The following AP4E1 variants were observed in gnomAD, a reference collection of about 807,000 sequenced individuals.
The protein encoded by AP4E1 is adaptor related protein complex 4 subunit epsilon 1.
A neutral mutation model predicts 128.2 loss-of-function variants in AP4E1; 56 were observed. The ratio of observed to expected loss-of-function variants is 0.44; its 90% CI spans 0.35 to 0.55. The LOEUF is 0.55. AP4E1 is among the 20% of genes least tolerant of loss of function. The pLI is 0.00. For missense variants in AP4E1, 1,324 were observed against 1,307.7 expected (o/e 1.01, Z -0.19); for synonymous variants, 484 against 473.1 (o/e 1.02, Z -0.30).
intron 16 of AP4E1, among the ~76,000 whole-genome samples, chr15:50,987,281 G>T (rs1567258276): frequency 1.3e-5 from 2 of 152,072 alleles, no homozygotes; most frequent in African/African-American, 2.4e-5. Context: ...TTTTTGAAGG[G>T]TTTTTTGTGT....
chr15:50,964,955 C>CCACACACACACACACA (rs55825810), intron 14 of AP4E1, among the ~76,000 whole-genome samples: 5,028 of 131,330 alleles, frequency 0.038, 197 homozygotes, highest in East Asian at 0.18. Flanking sequence ...CCTCCCCCTA[C>CCACACACACACACACA]CACACACACA....
intron 15 of AP4E1, among the ~76,000 whole-genome samples, 169 bp downstream of exon 15, chr15:50,968,546 A>G (rs1160868148): frequency 1.3e-5 from 2 of 152,194 alleles, no homozygotes; most frequent in Non-Finnish European, 2.9e-5. Context: ...AGGAAAAAAA[A>G]AAGTTAGCCA....
chr15:50,952,529 A>G (rs970626731), intron 13 of AP4E1, among the ~76,000 whole-genome samples: 22 of 151,698 alleles, frequency 1.5e-4, no homozygotes, highest in African/African-American at 5.3e-4. Context: ...AAAAAAAAGA[A>G]GTGTACAGTA....
At chr15:50,954,743 G>A (rs1166311728) in intron 13 of AP4E1, among the ~76,000 whole-genome samples, 3 of 152,134 alleles carry the variant, frequency 2.0e-5, no homozygotes, top group Admixed American at 6.5e-5. Flanking sequence ...TGTGCACAAC[G>A]TTCAGGTTTG....
chr15:50,917,718 C>A lies in AP4E1; in HGVS notation c.346+2147C>A, dbSNP rs75221136. Among the ~76,000 whole-genome samples the A allele has an allele frequency of 5.2e-3, 794 of 152,318 alleles. 8 individuals are homozygous for A. The highest frequency in any genetic ancestry group is 0.018 in the African/African-American group (762 of 41,564). ...GTTAAACTTACAGATGAATAACTTA[C>A]ATTGCTTATTCATACTTACAGATGA... On this transcript the variant is annotated intron_variant, in intron 3 of 20. Transcript: ENST00000261842.
intron 13 of AP4E1, among the ~76,000 whole-genome samples, chr15:50,951,450 A>G (rs923144469): frequency 1.3e-5 from 2 of 151,966 alleles, no homozygotes. Context: ...AGAGGTCACA[A>G]TTTTGTGTAA....
intron 11 of AP4E1, among the ~76,000 whole-genome samples, chr15:50,949,271 G>A (rs555703924): frequency 2.2e-4 from 34 of 151,726 alleles, no homozygotes; most frequent in Non-Finnish European, 4.1e-4. Flanking sequence ...AATTTAGCCG[G>A]GCATGGTGGT....
At chr15:50,936,123 A>G (rs944274913) in intron 8 of AP4E1, among the ~76,000 whole-genome samples, 1 of 152,180 alleles carries the variant, frequency 6.6e-6, no homozygotes, top group African/African-American at 2.4e-5. Context: ...TTATGAGTAT[A>G]TAGTGTAATA....
intron 15 of AP4E1, among the ~76,000 whole-genome samples, chr15:50,974,728 T>G (rs2064528986): frequency 6.6e-6 from 1 of 152,192 alleles, no homozygotes. Flanking sequence ...TGGTACAAGG[T>G]GATGCCTTAT....
intron 16 of AP4E1, among the ~76,000 whole-genome samples, chr15:50,989,671 GAGGA>G (rs2064777759): frequency 6.6e-6 from 1 of 152,100 alleles, no homozygotes; most frequent in Non-Finnish European, 1.5e-5. Flanking sequence ...CAAACCCAGG[GAGGA>G]ACTTACACAC....
chr15:50,996,493 G>A (rs557978188), intron 17 of AP4E1, among the ~76,000 whole-genome samples: 1 of 152,254 alleles, frequency 6.6e-6, no homozygotes, highest in African/African-American at 2.4e-5. Context: ...TTGGAAGAAG[G>A]TGTTGGGGCT....
At chr15:50,954,735 T>G (rs138764407) in intron 13 of AP4E1, among the ~76,000 whole-genome samples, 1 of 152,340 alleles carries the variant, frequency 6.6e-6, no homozygotes, top group Non-Finnish European at 1.5e-5. Flanking sequence ...AGGGTACATG[T>G]GCACAACGTT....
intron 15 of AP4E1, among the ~76,000 whole-genome samples, chr15:50,970,616 T>C (rs1454641608): frequency 6.6e-6 from 1 of 152,206 alleles, no homozygotes; most frequent in Non-Finnish European, 1.5e-5. Flanking sequence ...TACAGTGTCT[T>C]TCTTTGTCTC....
At chr15:50,956,911 C>G (rs972741733) in intron 13 of AP4E1, among the ~76,000 whole-genome samples, 3 of 152,158 alleles carry the variant, frequency 2.0e-5, no homozygotes, top group Admixed American at 6.5e-5. Flanking sequence ...AGCTCTCAAC[C>G]CCTCGCGGGA....
At chr15:50,983,631 C>G (rs1401453397) in intron 15 of AP4E1, among the ~76,000 whole-genome samples, 1 of 152,000 alleles carries the variant, frequency 6.6e-6, no homozygotes, top group Non-Finnish European at 1.5e-5. Flanking sequence ...GAGAATGTAC[C>G]CAGGAGCAGT....
At chr15:51,001,216 T>C in intron 20 of AP4E1, 33 bp downstream of exon 20, 1 of 1,585,738 alleles carries the variant, frequency 6.3e-7, no homozygotes, top group Non-Finnish European at 8.6e-7. Flanking sequence ...TATTCTGTGT[T>C]TATAGGAGCT....
chr15:50,956,998 T>A (rs574764187), intron 13 of AP4E1, among the ~76,000 whole-genome samples: 1 of 152,238 alleles, frequency 6.6e-6, no homozygotes, highest in East Asian at 1.9e-4. Flanking sequence ...AAACTCTGTA[T>A]GGGCCCCATG....
Position 51,002,622 on chromosome 15 carries a change from A to AT in AP4E1, c.3377dup (p.Leu1126PhefsTer44). 6.2e-7 allele frequency: 1 copy of AT among 1,614,128 alleles called. No individual in the cohort carries two copies. The highest frequency in any genetic ancestry group is 8.5e-7 in the Non-Finnish European group (1 of 1,179,984). The stretch of plus-strand genomic sequence containing the variant: ...TCCTCCTGTTCTACTCTTCCTGACT[A>AT]TTTACTGTATCAGTGTCAAAAGGTG... On this transcript the variant is annotated frameshift_variant, in exon 21 of 21. Transcript: ENST00000261842. LOFTEE classifies it high-confidence loss of function.
At chr15:50,983,693 G>A (rs1021769523) in intron 15 of AP4E1, among the ~76,000 whole-genome samples, 4 of 152,156 alleles carry the variant, frequency 2.6e-5, no homozygotes, top group African/African-American at 4.8e-5. Context: ...AAACATTTTT[G>A]CATGGGAGCA....
Sources: gnomAD v4.1 joint callset for allele counts (sites outside exome capture counted in the v4.1 genomes callset) on GRCh38, gnomAD v4.1.1 for gene constraint, MANE v1.5 for transcripts, NCBI Gene and HGNC (gene_info 2026-07-23, HGNC 2026-07-21) for gene names.